Variants in APPBP2 observed in about 807,000 individuals in gnomAD.
APPBP2 encodes the protein amyloid beta precursor protein binding protein 2.
Under a neutral mutation model 76.0 loss-of-function variants are expected in APPBP2, and 15 were observed. That is an observed-to-expected ratio of 0.20 (90% CI 0.13 to 0.30). APPBP2 has a LOEUF of 0.30. Among genes scored for constraint, APPBP2 ranks in the 10% least tolerant of loss-of-function variants. The probability of loss-of-function intolerance (pLI) is 1.00; values close to 1 mark genes in which losing one functional copy is unlikely to be tolerated. For missense variants in APPBP2, 401 were observed against 687.2 expected (o/e 0.58, Z 4.66); for synonymous variants, 222 against 242.2 (o/e 0.92, Z 0.77).
intron 3 of APPBP2, among the ~76,000 whole-genome samples, chr17:60,493,660 G>A (rs1184837870): frequency 8.3e-6 from 1 of 120,998 alleles, no homozygotes; most frequent in African/African-American, 3.2e-5. Context: ...TTTTTTTTCT[G>A]AGACAGAGTC....
intron 1 of APPBP2, among the ~76,000 whole-genome samples, chr17:60,524,610 G>GAAAAAAAAAAAAA (rs35185909): frequency 8.0e-5 from 4 of 49,934 alleles, no homozygotes; most frequent in African/African-American, 1.8e-4. Context: ...TGCTAATTCT[G>GAAAAAAAAAAAAA]AAAAAAAAAA....
chr17:60,496,857 A>AT (rs2090779903), intron 2 of APPBP2, among the ~76,000 whole-genome samples: 1 of 152,068 alleles, frequency 6.6e-6, no homozygotes, highest in South Asian at 2.1e-4. Flanking sequence ...AGTAGCTGGG[A>AT]TTACAGGCAT....
rs1246349685 is a variant in APPBP2, at chr17:60,443,398, G to C, written c.*4183C>G. 1 of 152,582 alleles carries C rather than the reference G, an allele frequency of 6.6e-6. No homozygotes were observed. Among genetic ancestry groups the C allele is most frequent in the Admixed American group, 6.6e-5 (1 of 15,256 alleles). 9.5% of individuals were successfully genotyped at this position (152,582 alleles called of 1,614,324 possible). ...AAATTATTGTGGCACTATTAGTGGG[G>C]ATTTTCACGTAAAGATTGTTAGTGT... On this transcript the variant is annotated 3_prime_UTR_variant, in exon 13 of 13. Coordinates refer to ENST00000083182, the MANE Select transcript of APPBP2 (RefSeq NM_006380.5).
chr17:60,520,810 G>T (rs2091004412), intron 1 of APPBP2, among the ~76,000 whole-genome samples: 1 of 152,024 alleles, frequency 6.6e-6, no homozygotes, highest in Non-Finnish European at 1.5e-5. Context: ...GATCCTCCCG[G>T]CTCAGCCTCC....
chr17:60,451,020 T>G (rs796460048), intron 12 of APPBP2, among the ~76,000 whole-genome samples: 6 of 152,216 alleles, frequency 3.9e-5, no homozygotes, highest in African/African-American at 1.4e-4. Flanking sequence ...ATTCCTTATT[T>G]TGATTTTGTA....
intron 1 of APPBP2, among the ~76,000 whole-genome samples, chr17:60,502,937 G>A (rs776841823): frequency 2.1e-5 from 3 of 146,156 alleles, no homozygotes; most frequent in Admixed American, 1.3e-4. Context: ...ACAATTCACT[G>A]CATTCCTTTA....
intron 6 of APPBP2, 43 bp downstream of exon 6, chr17:60,463,978 A>G (rs1271978268): frequency 7.2e-7 from 1 of 1,394,340 alleles, no homozygotes; most frequent in Non-Finnish European, 9.9e-7. Flanking sequence ...TTAAAGCCTG[A>G]TAAATCCTAT....
intron 3 of APPBP2, among the ~76,000 whole-genome samples, chr17:60,479,580 G>T (rs1210151908): frequency 6.6e-6 from 1 of 152,042 alleles, no homozygotes; most frequent in Non-Finnish European, 1.5e-5. Flanking sequence ...TTTCATCTTG[G>T]AGTGTACATA....
Position 60,466,519 on chromosome 17 carries a change from A to G in APPBP2, c.504-60T>C, listed in dbSNP as rs2090512950. ...TATTTTCAGCTTGGTAGACCTGATG[A>G]CCTCTTACCAATCACCTGAATGACT... On this transcript the variant is annotated intron_variant, in intron 4 of 12. Coordinates refer to ENST00000083182, the MANE Select transcript of APPBP2 (RefSeq NM_006380.5). The G allele has an allele frequency of 1.9e-5, 28 of 1,484,448 alleles. No homozygotes were observed. The Middle Eastern group carries it at 7.0e-4, about 37-fold the overall frequency. 92.0% of individuals were successfully genotyped at this position (1,484,448 alleles called of 1,614,324 possible). A position where few individuals can be genotyped will look rare whatever the true frequency, so the allele number is the denominator to read the frequency against.
At chr17:60,488,676 C>A (rs2090701075) in intron 3 of APPBP2, among the ~76,000 whole-genome samples, 1 of 152,092 alleles carries the variant, frequency 6.6e-6, no homozygotes, top group South Asian at 2.1e-4. Flanking sequence ...TTGGTTCTCT[C>A]TCCAAGGTAT....
At chr17:60,522,072 G>A (rs1452739010) in intron 1 of APPBP2, among the ~76,000 whole-genome samples, 13 of 152,168 alleles carry the variant, frequency 8.5e-5, no homozygotes, top group Middle Eastern at 3.4e-3. Context: ...GCATGAAATC[G>A]CCTAACAATG....
chr17:60,501,316 C>T lies in APPBP2; in HGVS notation c.139-829G>A, dbSNP rs116424878. Among the ~76,000 whole-genome samples, 591 of 152,082 alleles carry T rather than the reference C, an allele frequency of 3.9e-3. 6 individuals carry two copies. Among genetic ancestry groups the T allele is most frequent in the African/African-American group, 0.013 (536 of 41,488 alleles). ...AGCCTGGGTGAGAGTGAGACCCTGT[C>T]TCAAAAAAATTATAAATAAATAAAC... On this transcript the variant is annotated intron_variant, in intron 1 of 12. Transcript: ENST00000083182.
intron 1 of APPBP2, among the ~76,000 whole-genome samples, chr17:60,512,105 A>ATTT (rs199948720): frequency 1.4e-5 from 2 of 139,882 alleles, no homozygotes; most frequent in African/African-American, 6.5e-5. Context: ...TATTATTATT[A>ATTT]TTATTTTCTT....
intron 12 of APPBP2, among the ~76,000 whole-genome samples, chr17:60,451,311 C>T (rs931999990): frequency 3.3e-4 from 50 of 152,088 alleles, no homozygotes; most frequent in African/African-American, 1.1e-3. Context: ...CTTTTGCCTA[C>T]ACATGACAGT....
chr17:60,473,604 C>T (rs2090568829), intron 4 of APPBP2, among the ~76,000 whole-genome samples: 1 of 152,110 alleles, frequency 6.6e-6, no homozygotes, highest in African/African-American at 2.4e-5. Flanking sequence ...CACTTGAGCC[C>T]AGGAGTTTGA....
chr17:60,447,386 A>G lies in APPBP2; in HGVS notation c.*195T>C, dbSNP rs2090357231. 3 of 511,830 alleles carry G rather than the reference A, an allele frequency of 5.9e-6. No individual in the cohort carries two copies. The highest frequency in any genetic ancestry group is 6.3e-5 in the East Asian group (2 of 31,962). The allele number at this position is 511,830 out of a possible 1,614,324, so 31.7% of individuals were successfully genotyped here. A position where few individuals can be genotyped will look rare whatever the true frequency, so the allele number is the denominator to read the frequency against. On this transcript the variant is annotated 3_prime_UTR_variant, in exon 13 of 13. Coordinates refer to ENST00000083182, the MANE Select transcript of APPBP2 (RefSeq NM_006380.5). Reference sequence around the variant, plus strand: ...GCCAGACTACTTACACATGCGGTACATGCTGAATATAACTGAATATATGCT... The same window carrying G: ...GCCAGACTACTTACACATGCGGTACGTGCTGAATATAACTGAATATATGCT...
chr17:60,513,648 G>A (rs919576592), intron 1 of APPBP2: 6 of 217,928 alleles, frequency 2.8e-5, no homozygotes, highest in Admixed American at 5.8e-5. Context: ...GATCACCTGA[G>A]GTCAGGAGTT....
intron 4 of APPBP2, among the ~76,000 whole-genome samples, chr17:60,478,149 T>C (rs2090604168): frequency 6.6e-6 from 1 of 152,252 alleles, no homozygotes. Flanking sequence ...ATTCAATAAA[T>C]TGATTGGACT....
chr17:60,463,783 T>C (rs1318028950), intron 6 of APPBP2, among the ~76,000 whole-genome samples: 1 of 152,150 alleles, frequency 6.6e-6, no homozygotes, highest in Non-Finnish European at 1.5e-5. Context: ...ACTGAAACAA[T>C]GATCAAAATG....
Sources: gnomAD v4.1 joint callset for allele counts (sites outside exome capture counted in the v4.1 genomes callset) on GRCh38, gnomAD v4.1.1 for gene constraint, MANE v1.5 for transcripts, NCBI Gene and HGNC (gene_info 2026-07-23, HGNC 2026-07-21) for gene names.